The following TAF4B variants were observed in gnomAD, a reference collection of about 807,000 sequenced individuals.
The protein encoded by TAF4B is transcription initiation factor TFIID subunit 4B.
TAF4B carries 38 observed loss-of-function variants against 86.4 expected under a neutral mutation model. That is an observed-to-expected ratio of 0.44 (90% CI 0.34 to 0.58). TAF4B has a LOEUF of 0.58. Among genes scored for constraint, TAF4B ranks in the 20% least tolerant of loss-of-function variants. TAF4B has a pLI of 0.02. For synonymous variants in TAF4B, 388 were observed against 391.2 expected (o/e 0.99, Z 0.10); for missense variants, 988 against 1,027.6 (o/e 0.96, Z 0.53).
At chr18:26,275,535 C>G (rs887992418) in intron 5 of TAF4B, among the ~76,000 whole-genome samples, 4 of 151,974 alleles carry the variant, frequency 2.6e-5, no homozygotes, top group African/African-American at 9.7e-5. Flanking sequence ...TAAATCTTGG[C>G]TAGAAAAACC....
chr18:26,273,056 C>T (rs2056340901), intron 3 of TAF4B, among the ~76,000 whole-genome samples: 1 of 152,108 alleles, frequency 6.6e-6, no homozygotes, highest in Non-Finnish European at 1.5e-5. Flanking sequence ...TATCCTTATT[C>T]AATATTGAAA....
intron 5 of TAF4B, among the ~76,000 whole-genome samples, chr18:26,279,751 A>T (rs1277225805): frequency 6.6e-6 from 1 of 152,150 alleles, no homozygotes; most frequent in African/African-American, 2.4e-5. Flanking sequence ...AAAAATAAGT[A>T]ATGGGGCCTG....
chr18:26,346,112 G>A (rs1167865806), intron 13 of TAF4B, among the ~76,000 whole-genome samples: 1 of 152,124 alleles, frequency 6.6e-6, no homozygotes, highest in Non-Finnish European at 1.5e-5. Context: ...GAGACTAGAA[G>A]CATGTGCCAC....
intron 13 of TAF4B, among the ~76,000 whole-genome samples, chr18:26,342,252 T>C (rs982083492): frequency 2.6e-5 from 4 of 152,174 alleles, no homozygotes; most frequent in Admixed American, 2.6e-4. Flanking sequence ...TATTTGGTGG[T>C]GTGATTATTT....
At chr18:26,372,036 T>C (rs905022075) in intron 14 of TAF4B, among the ~76,000 whole-genome samples, 1 of 152,144 alleles carries the variant, frequency 6.6e-6, no homozygotes, top group African/African-American at 2.4e-5. Context: ...CATTAGTTAA[T>C]GGAGTTTTGG....
chr18:26,351,334 AAGG>A (rs1394104706), intron 13 of TAF4B, among the ~76,000 whole-genome samples: 1 of 152,184 alleles, frequency 6.6e-6, no homozygotes, highest in Non-Finnish European at 1.5e-5. Context: ...TAGAAGTAAA[AAGG>A]AGAACAGAGA....
intron 7 of TAF4B, among the ~76,000 whole-genome samples, chr18:26,291,347 G>A (rs2056589967): frequency 2.0e-5 from 3 of 151,786 alleles, no homozygotes; most frequent in African/African-American, 7.2e-5. Context: ...TGCAGCCTCC[G>A]CCTCCTGCTT....
At chr18:26,351,395 T>C (rs1333631411) in intron 13 of TAF4B, among the ~76,000 whole-genome samples, 1 of 152,084 alleles carries the variant, frequency 6.6e-6, no homozygotes, top group African/African-American at 2.4e-5. Context: ...TAGGGAAAGA[T>C]TTGTTAAAGG....
At chr18:26,315,190 C>CACACAAAA in intron 9 of TAF4B, 39 bp from the exon 10 acceptor site, 1 of 1,395,226 alleles carries the variant, frequency 7.2e-7, no homozygotes, top group East Asian at 2.5e-5. Context: ...CACACACACA[C>CACACAAAA]ACAACCTAAA....
chr18:26,279,300 A>G (rs1341666900), intron 5 of TAF4B, among the ~76,000 whole-genome samples: 2 of 152,188 alleles, frequency 1.3e-5, no homozygotes, highest in Admixed American at 1.3e-4. Flanking sequence ...TGAAGTACCT[A>G]GGAATACAGC....
intron 2 of TAF4B, among the ~76,000 whole-genome samples, chr18:26,266,580 G>A (rs1384209736): frequency 6.6e-6 from 1 of 151,898 alleles, no homozygotes; most frequent in Non-Finnish European, 1.5e-5. Context: ...ATTTTTGTGG[G>A]GCTGTGCGCG....
At chr18:26,377,951 TGTTA>T (rs1430266417) in intron 14 of TAF4B, among the ~76,000 whole-genome samples, 1 of 152,320 alleles carries the variant, frequency 6.6e-6, no homozygotes, top group South Asian at 2.1e-4. Context: ...TAAAGGTAAT[TGTTA>T]GTTAAATTAT....
At chr18:26,346,903 GTGTGTATATATATATATATAGTTTTTTGT>G (rs2057202154) in intron 13 of TAF4B, among the ~76,000 whole-genome samples, 1 of 8,306 alleles carries the variant, frequency 1.2e-4, no homozygotes, top group African/African-American at 2.3e-4. Flanking sequence ...ATATATATGT[GTGTGTATATATATATATATAGTTTTTTGT>G]TGTTTTTTGA....
At chr18:26,361,943 T>C (rs1350398966) in intron 14 of TAF4B, among the ~76,000 whole-genome samples, 1 of 152,100 alleles carries the variant, frequency 6.6e-6, no homozygotes, top group Non-Finnish European at 1.5e-5. Flanking sequence ...TTCCTATAAA[T>C]ATGCTTTGTT....
At chr18:26,292,489 G>A in intron 8 of TAF4B, 108 bp downstream of exon 8, 1 of 1,204,604 alleles carries the variant, frequency 8.3e-7, no homozygotes, top group Non-Finnish European at 1.1e-6. Context: ...GTCTTTTAAA[G>A]TTGGCACCCA....
intron 1 of TAF4B, among the ~76,000 whole-genome samples, chr18:26,258,735 G>C (rs1189342479): frequency 6.6e-6 from 1 of 152,026 alleles, no homozygotes; most frequent in Non-Finnish European, 1.5e-5. Flanking sequence ...TTGCTCTGTT[G>C]GCTGTGCTGG....
chr18:26,381,663 G>A (rs1001852605), intron 14 of TAF4B, among the ~76,000 whole-genome samples: 2 of 151,848 alleles, frequency 1.3e-5, no homozygotes, highest in Admixed American at 1.3e-4. Context: ...GGAGGCAGAG[G>A]TTGCGGTGAG....
At chr18:26,307,657 C>A (rs1275634957) in intron 9 of TAF4B, among the ~76,000 whole-genome samples, 2 of 152,116 alleles carry the variant, frequency 1.3e-5, no homozygotes, top group East Asian at 3.9e-4. Context: ...TAAAAAGACA[C>A]TCTTGGAAAA....
At chr18:26,305,331 T>C (rs2056782966) in intron 9 of TAF4B, among the ~76,000 whole-genome samples, 1 of 152,268 alleles carries the variant, frequency 6.6e-6, no homozygotes, top group South Asian at 2.1e-4. Flanking sequence ...CTTTCTTATT[T>C]GCAATGCCAC....
Sources: allele counts gnomAD v4.1 joint callset (sites outside exome capture counted in the v4.1 genomes callset), GRCh38; gene constraint gnomAD v4.1.1; transcripts MANE v1.5; gene names NCBI Gene and HGNC (gene_info 2026-07-23, HGNC 2026-07-21).